SCN2A: variants seen among roughly 807,000 people sequenced by gnomAD.
The protein encoded by SCN2A is sodium channel protein type 2 subunit alpha.
A neutral mutation model predicts 188.7 loss-of-function variants in SCN2A; 20 were observed. The observed-to-expected ratio is 0.11, with a 90% confidence interval of 0.07 to 0.15. The LOEUF (loss-of-function observed/expected upper bound fraction) is 0.15, where lower values mean the gene tolerates loss of function less well. Ranked by LOEUF, SCN2A falls within the 10% of genes least tolerant of loss-of-function variation. The pLI is 1.00. For synonymous variants in SCN2A, 804 were observed against 833.1 expected, an observed-to-expected ratio of 0.97 and a Z score of 0.60; for missense variants, 1,278 against 2,445.0, an observed-to-expected ratio of 0.52 and a Z score of 10.07.
intron 16 of SCN2A, among the ~76,000 whole-genome samples, chr2:165,346,876 T>C (rs1699616938): frequency 6.6e-6 from 1 of 152,126 alleles, no homozygotes; most frequent in Non-Finnish European, 1.5e-5. Context: ...GAAATGCAAA[T>C]CAAAACCACA....
In SCN2A at chr2:165,356,212, C is replaced by T. The variant is rs59576673; in HGVS notation, c.3399+1541C>T. The stretch of plus-strand genomic sequence containing the variant: ...AACAGGGACATAGGTATCAGTTTCA[C>T]AAGAAATAACTGATGAGATTCAAGG... On this transcript the variant is annotated intron_variant, in intron 17 of 26. Coordinates refer to ENST00000375437, the MANE Select transcript of SCN2A (RefSeq NM_001040142.2). Among the ~76,000 whole-genome samples, 1,407 of 152,208 alleles carry T rather than the reference C, an allele frequency of 9.2e-3. 21 individuals carry two copies. The highest frequency in any genetic ancestry group is 0.031 in the African/African-American group (1,267 of 41,522).
At chr2:165,246,902 C>T (rs1017498433) in intron 1 of SCN2A, among the ~76,000 whole-genome samples, 2 of 152,134 alleles carry the variant, frequency 1.3e-5, no homozygotes, top group Non-Finnish European at 2.9e-5. Context: ...TTTCTTTTCT[C>T]CTCAAACCAC....
intron 3 of SCN2A, 75 bp from the exon 4 acceptor site, chr2:165,307,773 A>G: frequency 2.1e-6 from 2 of 940,966 alleles, no homozygotes; most frequent in Non-Finnish European, 3.5e-6. Context: ...TTTAAACTTC[A>G]TGGTGGTGAA....
intron 20 of SCN2A, chr2:165,371,509 T>C (rs1254325207): frequency 6.6e-6 from 1 of 152,106 alleles, no homozygotes; most frequent in African/African-American, 2.4e-5. Flanking sequence ...AAGGCTTCAA[T>C]AGGGAAGTGG....
At chr2:165,316,419 T>C (rs1213594673) in intron 11 of SCN2A, among the ~76,000 whole-genome samples, 1 of 152,206 alleles carries the variant, frequency 6.6e-6, no homozygotes, top group Non-Finnish European at 1.5e-5. Flanking sequence ...CCTCTGCCTT[T>C]TGTACTCATG....
chr2:165,270,602 G>A (rs1695062252), intron 1 of SCN2A: 1 of 152,042 alleles, frequency 6.6e-6, no homozygotes, highest in African/African-American at 2.4e-5. Context: ...ACTTGACCAA[G>A]GCAAGAACCT....
intron 1 of SCN2A, among the ~76,000 whole-genome samples, chr2:165,284,540 C>T (rs976170176): frequency 6.6e-6 from 1 of 152,156 alleles, no homozygotes; most frequent in Non-Finnish European, 1.5e-5. Flanking sequence ...GATGCCCAGA[C>T]ATTCAGATCT....
rs544815893 is a variant in SCN2A at position 165,316,196 on chromosome 2, G to A, written c.1671+438G>A. The stretch of plus-strand genomic sequence containing the variant: ...AAGGTGCAAACATCACTTGCCAAGT[G>A]CATTCTTCATGCCTTTGTTTCAAAG... On this transcript the variant is annotated intron_variant, in intron 11 of 26. Transcript: ENST00000375437. 8.5e-5 allele frequency among the ~76,000 whole-genome samples: 13 copies of A among 152,222 alleles called. No homozygotes were observed. The East Asian group carries it at 2.3e-3, about 27-fold the overall frequency.
intron 19 of SCN2A, among the ~76,000 whole-genome samples, chr2:165,369,050 C>A (rs1324157088): frequency 6.6e-6 from 1 of 152,044 alleles, no homozygotes; most frequent in East Asian, 1.9e-4. Flanking sequence ...CTTAACCTCG[C>A]AAGTAGCTGG....
intron 15 of SCN2A, 84 bp downstream of exon 15, chr2:165,342,553 C>A: frequency 1.4e-6 from 2 of 1,396,370 alleles, no homozygotes; most frequent in Middle Eastern, 1.9e-4. Flanking sequence ...CAAGATTTCC[C>A]ATCATTATAA....
At chr2:165,376,700 G>T (rs1388422546) in intron 22 of SCN2A, among the ~76,000 whole-genome samples, 4 of 94,368 alleles carry the variant, frequency 4.2e-5, no homozygotes, top group African/African-American at 1.3e-4. Flanking sequence ...TTGAAAAGGG[G>T]TGTGTGTGTG....
Position 165,384,092 on chromosome 2 carries a change from G to A in SCN2A, c.4552-2654G>A, listed in dbSNP as rs184814249. 2.0e-3 allele frequency among the ~76,000 whole-genome samples: 306 copies of A among 152,086 alleles called. 2 individuals are homozygous for A. Among genetic ancestry groups the A allele is most frequent in the East Asian group, 0.016 (83 of 5,164 alleles). ...GTGGGACAAGGACATAGTGGTCTAG[G>A]GTAGCTTTAGAAAGAAAAAGGGGCT... is the stretch of plus-strand genomic sequence containing the variant. On this transcript the variant is annotated intron_variant, in intron 25 of 26. Coordinates refer to ENST00000375437, the MANE Select transcript of SCN2A (RefSeq NM_001040142.2).
chr2:165,319,843 G>C (rs1298411073), intron 11 of SCN2A, among the ~76,000 whole-genome samples: 1 of 152,188 alleles, frequency 6.6e-6, no homozygotes, highest in Non-Finnish European at 1.5e-5. Flanking sequence ...TATAACTCAA[G>C]ATGAGATCTG....
intron 14 of SCN2A, among the ~76,000 whole-genome samples, chr2:165,339,694 A>G (rs564513823): frequency 6.6e-6 from 1 of 152,328 alleles, no homozygotes; most frequent in East Asian, 1.9e-4. Context: ...TGCCATGTTC[A>G]TGCAATGGAA....
At chr2:165,329,292 C>T (rs1698546526) in intron 13 of SCN2A, among the ~76,000 whole-genome samples, 1 of 152,068 alleles carries the variant, frequency 6.6e-6, no homozygotes, top group African/African-American at 2.4e-5. Flanking sequence ...GAAATGTTTT[C>T]TGGTCACACC....
intron 1 of SCN2A, among the ~76,000 whole-genome samples, chr2:165,260,988 A>AG (rs1694571423): frequency 2.0e-5 from 3 of 151,580 alleles, no homozygotes; most frequent in African/African-American, 7.3e-5. Context: ...AAAAAAAAAA[A>AG]AGGTATGTGT....
At chr2:165,321,984 G>C (rs906074300) in intron 11 of SCN2A, among the ~76,000 whole-genome samples, 3 of 152,146 alleles carry the variant, frequency 2.0e-5, no homozygotes, top group African/African-American at 7.2e-5. Context: ...TCCAATGCAA[G>C]CTGGCTGAAG....
At chr2:165,370,069 T>A in intron 19 of SCN2A, 57 bp from the exon 20 acceptor site, 1 of 1,480,450 alleles carries the variant, frequency 6.8e-7, no homozygotes, top group Non-Finnish European at 9.4e-7. Flanking sequence ...TTTTAAGAAA[T>A]CATCAATTAG....
intron 1 of SCN2A, among the ~76,000 whole-genome samples, chr2:165,250,150 G>T (rs1284405775): frequency 1.3e-5 from 2 of 151,976 alleles, no homozygotes; most frequent in Non-Finnish European, 2.9e-5. Context: ...GACAGATATT[G>T]TTTTGTATGG....
Sources: gnomAD v4.1 joint callset for allele counts (sites outside exome capture counted in the v4.1 genomes callset) on GRCh38, gnomAD v4.1.1 for gene constraint, MANE v1.5 for transcripts, NCBI Gene and HGNC (gene_info 2026-07-23, HGNC 2026-07-21) for gene names.